Variants in RORA observed in about 807,000 individuals in gnomAD.
The protein encoded by RORA is RAR related orphan receptor A, also known as nuclear receptor ROR-alpha.
RORA carries 7 observed loss-of-function variants against 69.5 expected under a neutral mutation model. That is an observed-to-expected ratio of 0.10 (90% CI 0.06 to 0.19). The LOEUF (loss-of-function observed/expected upper bound fraction) is 0.19. Ranked by LOEUF, RORA falls within the 10% of genes least tolerant of loss-of-function variation. RORA has a pLI of 1.00. For missense variants in RORA, 457 were observed against 663.0 expected (o/e 0.69, Z 3.41); for synonymous variants, 261 against 240.8 (o/e 1.08, Z -0.78).
intron 1 of RORA, among the ~76,000 whole-genome samples, chr15:61,138,685 T>C (rs1014835552): frequency 3.9e-5 from 6 of 152,082 alleles, no homozygotes; most frequent in Non-Finnish European, 5.9e-5. Context: ...CAGTCTAGGC[T>C]GCATTCTGTG....
At chr15:60,786,795 G>A (rs952405646) in intron 1 of RORA, among the ~76,000 whole-genome samples, 2 of 152,146 alleles carry the variant, frequency 1.3e-5, no homozygotes, top group Non-Finnish European at 2.9e-5. Context: ...CCTCCCTGAT[G>A]CTCACCCGAC....
chr15:60,874,260 T>C (rs1023096754), intron 1 of RORA, among the ~76,000 whole-genome samples: 3 of 152,230 alleles, frequency 2.0e-5, no homozygotes, highest in African/African-American at 7.2e-5. Flanking sequence ...CTTGAGGGTA[T>C]AGTTGAAGTT....
intron 2 of RORA, among the ~76,000 whole-genome samples, chr15:60,644,988 G>A (rs146032289): frequency 1.3e-5 from 2 of 152,190 alleles, no homozygotes; most frequent in Non-Finnish European, 2.9e-5. Context: ...TTCGTTAACT[G>A]AGTCATCTAT....
chr15:61,183,706 T>C (rs184201102), intron 1 of RORA, among the ~76,000 whole-genome samples: 2 of 152,254 alleles, frequency 1.3e-5, no homozygotes, highest in East Asian at 3.9e-4. Flanking sequence ...TGTGTACCCA[T>C]CTCTTAAAAA....
At chr15:60,633,419 C>T (rs115488251) in intron 2 of RORA, among the ~76,000 whole-genome samples, 3 of 152,124 alleles carry the variant, frequency 2.0e-5, no homozygotes, top group Admixed American at 6.5e-5. Context: ...ATATAGAAAA[C>T]GTTTTTCCAA....
In RORA at chr15:60,615,050, G is replaced by A. The variant is rs146461191; in HGVS notation, c.196+63607C>T. 8.2e-5 allele frequency: 132 copies of A among 1,603,516 alleles called. No individual in the cohort carries two copies. In the African/African-American group the frequency reaches 1.3e-3, roughly 16 times the overall value. On this transcript the variant is annotated intron_variant, in intron 2 of 10. Transcript: ENST00000335670. ...GAGCTGTCAGGGAAAACAGAACAGCGTCAACCCACACACAGCCCCCTTTCT... is the reference window on the plus strand; with the variant it reads ...GAGCTGTCAGGGAAAACAGAACAGCATCAACCCACACACAGCCCCCTTTCT...
chr15:60,754,223 C>A (rs2071765358), intron 1 of RORA, among the ~76,000 whole-genome samples: 1 of 152,118 alleles, frequency 6.6e-6, no homozygotes, highest in Non-Finnish European at 1.5e-5. Flanking sequence ...GCTGCTTTTC[C>A]ACCTTGTGAG....
chr15:60,993,401 G>T (rs757621145), intron 1 of RORA, among the ~76,000 whole-genome samples: 3 of 152,004 alleles, frequency 2.0e-5, no homozygotes, highest in African/African-American at 7.3e-5. Flanking sequence ...CACTTTGAGA[G>T]GCCAAGGTCG....
chr15:60,543,359 T>C (rs2066963525), intron 2 of RORA, among the ~76,000 whole-genome samples: 1 of 152,152 alleles, frequency 6.6e-6, no homozygotes, highest in South Asian at 2.1e-4. Context: ...TGTGCCTCAG[T>C]TTCCTCACCT....
At chr15:60,516,069 A>ATT (rs1348570388) in intron 3 of RORA, among the ~76,000 whole-genome samples, 1 of 61,066 alleles carries the variant, frequency 1.6e-5, no homozygotes, top group Non-Finnish European at 2.7e-5. Flanking sequence ...ATATATATTT[A>ATT]TATATATTTA....
chr15:60,596,751 T>C (rs147800927), intron 2 of RORA, among the ~76,000 whole-genome samples: 8 of 152,318 alleles, frequency 5.3e-5, no homozygotes, highest in Non-Finnish European at 8.8e-5. Flanking sequence ...TTATCTGCCT[T>C]ATTCATGATT....
Position 60,511,206 on chromosome 15 carries a change from A to G in RORA, c.820+20T>C. On this transcript the variant is annotated intron_variant, in intron 5 of 10. Coordinates refer to ENST00000335670, the MANE Select transcript of RORA (RefSeq NM_134261.3). This position sits in a 1 kb window ranked among gnomAD's most constrained non-coding sequence, Gnocchi z 6.4. ...AAGGGCATGAATAGAGCATCCCAGG[A>G]GAAGCATGCATGCCATTACCTAATT... The G allele has an allele frequency of 2.5e-6, 4 of 1,597,254 alleles. No individual in the cohort carries two copies. The highest frequency in any genetic ancestry group is 3.4e-6 in the Non-Finnish European group (4 of 1,171,300).
rs1418271935 is a variant in RORA at position 61,061,165 on chromosome 15, A to C, written c.166+167888T>G. On this transcript the variant is annotated intron_variant, in intron 1 of 10. Transcript: ENST00000335670. The surrounding 1 kb of genome is among the most constrained non-coding windows in gnomAD (Gnocchi z 4.4). ...TCAGGAGATCGAGACCATCCTGGCT[A>C]ACATGGTGAAACCCCGTCTCTACTA... Among the ~76,000 whole-genome samples, 1 of 152,034 alleles carries C rather than the reference A, an allele frequency of 6.6e-6. No homozygotes were observed. The highest frequency in any genetic ancestry group is 1.5e-5 in the Non-Finnish European group (1 of 68,014).
chr15:61,127,359 T>C (rs1175212982), intron 1 of RORA, among the ~76,000 whole-genome samples: 1 of 152,138 alleles, frequency 6.6e-6, no homozygotes, highest in East Asian at 1.9e-4. Flanking sequence ...AAACACAGCA[T>C]TTAAACTGGT....
intron 1 of RORA, among the ~76,000 whole-genome samples, chr15:61,175,118 T>C (rs1321048153): frequency 6.6e-6 from 1 of 152,204 alleles, no homozygotes; most frequent in Non-Finnish European, 1.5e-5. Context: ...CGGAAAACAC[T>C]ATTTCAGCAG....
intron 1 of RORA, among the ~76,000 whole-genome samples, chr15:60,895,601 C>G (rs902922430): frequency 1.3e-5 from 2 of 152,000 alleles, no homozygotes; most frequent in African/African-American, 4.8e-5. Context: ...CTTGTGGGAG[C>G]AAAGTATTTC....
intron 2 of RORA, chr15:60,558,490 C>A (rs2067437020): frequency 5.9e-6 from 3 of 510,376 alleles, no homozygotes; most frequent in Non-Finnish European, 1.0e-5. Flanking sequence ...GTTGGGCAGT[C>A]CTGTTAACTA....
At chr15:60,596,880 TCACA>T (rs1285560324) in intron 2 of RORA, among the ~76,000 whole-genome samples, 2 of 152,080 alleles carry the variant, frequency 1.3e-5, no homozygotes, top group East Asian at 1.9e-4. Flanking sequence ...TTTTACACAC[TCACA>T]CCCACCCACA....
chr15:61,080,002 C>A (rs1393220629), intron 1 of RORA, among the ~76,000 whole-genome samples: 1 of 152,112 alleles, frequency 6.6e-6, no homozygotes, highest in Non-Finnish European at 1.5e-5. Context: ...ATAAAGAGGC[C>A]AGCATGTGCC....
Sources: gnomAD v4.1 joint callset for allele counts (sites outside exome capture counted in the v4.1 genomes callset) on GRCh38, gnomAD v4.1.1 for gene constraint, Gnocchi (gnomAD v3.1) non-coding constraint, MANE v1.5 for transcripts, NCBI Gene and HGNC (gene_info 2026-07-23, HGNC 2026-07-21) for gene names.